ITPKB: variants seen among roughly 807,000 people sequenced by gnomAD.
The protein encoded by ITPKB is IP3 3-kinase B.
In ITPKB, 13 loss-of-function variants were observed where a neutral mutation model predicts 69.4. The observed-to-expected ratio is 0.19, with a 90% CI of 0.12 to 0.30. ITPKB has a LOEUF of 0.30. Among genes scored for constraint, ITPKB ranks in the 10% least tolerant of loss-of-function variants. The probability of loss-of-function intolerance (pLI) is 1.00; values close to 1 mark genes in which losing one functional copy is unlikely to be tolerated. For synonymous variants in ITPKB, 584 were observed against 513.7 expected (o/e 1.14, Z -1.85); for missense variants, 1,240 against 1,250.5 (o/e 0.99, Z 0.13).
At chr1:226,729,560 A>G (rs2102649213) in intron 2 of ITPKB, among the ~76,000 whole-genome samples, 1 of 150,430 alleles carries the variant, frequency 6.6e-6, no homozygotes, top group African/African-American at 2.4e-5. Context: ...TATGGAAGCT[A>G]TCGAAAAGTT....
chr1:226,712,076 G>A (rs1019564281), intron 2 of ITPKB, among the ~76,000 whole-genome samples: 8 of 152,194 alleles, frequency 5.3e-5, no homozygotes, highest in Admixed American at 2.0e-4. Flanking sequence ...AGTAAGCCGC[G>A]AGGGTGGAAA....
At chr1:226,694,747 C>T (rs1233795605) in intron 2 of ITPKB, among the ~76,000 whole-genome samples, 1 of 152,206 alleles carries the variant, frequency 6.6e-6, no homozygotes, top group Non-Finnish European at 1.5e-5. Flanking sequence ...GGAGCAGTAC[C>T]ACCCTTACAG....
chr1:226,639,802 T>C, intron 5 of ITPKB, 144 bp from the exon 6 acceptor site: 1 of 666,254 alleles, frequency 1.5e-6, no homozygotes, highest in Non-Finnish European at 2.7e-6. Context: ...TGTCCACGTA[T>C]GGCGCATGGA....
intron 2 of ITPKB, among the ~76,000 whole-genome samples, chr1:226,661,417 T>A (rs1669400365): frequency 6.6e-6 from 1 of 152,126 alleles, no homozygotes; most frequent in Non-Finnish European, 1.5e-5. Context: ...AGGCACAGAG[T>A]CATGAGACAA....
Position 226,637,690 on chromosome 1 carries a change from T to TG in ITPKB, c.2613dup (p.Lys872GlnfsTer35), listed in dbSNP as rs777632067. The TG allele has an allele frequency of 6.2e-7, 1 of 1,613,424 alleles. No individual in the cohort carries two copies. Among genetic ancestry groups the TG allele is most frequent in the Non-Finnish European group, 8.5e-7 (1 of 1,179,330 alleles). The stretch of plus-strand genomic sequence containing the variant: ...AGCCCAGTATCTACCTCGTGGCACT[T>TG]GAAGAAGGGAGAAACTTCTAGAGTG... On this transcript the variant is annotated frameshift_variant, in exon 7 of 8. Coordinates refer to ENST00000429204, the MANE Select transcript of ITPKB (RefSeq NM_002221.4). LOFTEE classifies it high-confidence loss of function. The surrounding 1 kb of genome is among the most constrained non-coding windows in gnomAD (Gnocchi z 4.3).
At chr1:226,639,876 C>T (rs981505324) in intron 5 of ITPKB, among the ~76,000 whole-genome samples, 4 of 152,188 alleles carry the variant, frequency 2.6e-5, no homozygotes, top group African/African-American at 4.8e-5. Flanking sequence ...CAGAGGGTGG[C>T]GCTGACATCC....
intron 2 of ITPKB, among the ~76,000 whole-genome samples, chr1:226,655,110 G>C (rs372126930): frequency 1.3e-5 from 2 of 152,058 alleles, no homozygotes; most frequent in East Asian, 3.9e-4. Context: ...GGAGGAAGAA[G>C]AGGGAGGAAG....
intron 2 of ITPKB, among the ~76,000 whole-genome samples, chr1:226,722,509 G>C (rs1197813082): frequency 6.6e-6 from 1 of 152,202 alleles, no homozygotes; most frequent in Non-Finnish European, 1.5e-5. Context: ...AATACCGCAA[G>C]GTAAACAGCA....
At chr1:226,699,955 A>C (rs1393018613) in intron 2 of ITPKB, among the ~76,000 whole-genome samples, 1 of 152,212 alleles carries the variant, frequency 6.6e-6, no homozygotes, top group Non-Finnish European at 1.5e-5. Flanking sequence ...TCAGAGTCTG[A>C]TGTTCAAGGG....
At chr1:226,732,633 C>T (rs2102651153) in intron 2 of ITPKB, among the ~76,000 whole-genome samples, 1 of 148,296 alleles carries the variant, frequency 6.7e-6, no homozygotes, top group South Asian at 2.1e-4. Context: ...ACTTTTATAT[C>T]TTAATACAAC....
At chr1:226,684,438 C>T (rs1656155549) in intron 2 of ITPKB, among the ~76,000 whole-genome samples, 1 of 152,232 alleles carries the variant, frequency 6.6e-6, no homozygotes, top group African/African-American at 2.4e-5. Context: ...ATTCACAGAG[C>T]AGCCATTCTT....
chr1:226,678,194 T>C (rs1384091899), intron 2 of ITPKB, among the ~76,000 whole-genome samples: 2 of 152,248 alleles, frequency 1.3e-5, no homozygotes, highest in Non-Finnish European at 2.9e-5. Flanking sequence ...ACTATTTTTC[T>C]AATGTTATTC....
At position 226,673,279 on chromosome 1, in the gene ITPKB, C is replaced by A. The variant is rs371597396; in HGVS notation, c.1933-24508G>T. 2.6e-5 allele frequency among the ~76,000 whole-genome samples: 4 copies of A among 152,164 alleles called. No individual in the cohort carries two copies. The East Asian group carries it at 7.7e-4, about 29-fold the overall frequency. Reference sequence around the variant, plus strand: ...GTCCCAGCTACTCGGGAGGCTGAGGCAGGAGGATTGCTTGAACACAGGGGT... The same window carrying A: ...GTCCCAGCTACTCGGGAGGCTGAGGAAGGAGGATTGCTTGAACACAGGGGT... On this transcript the variant is annotated intron_variant, in intron 2 of 7. Transcript: ENST00000429204.
At chr1:226,647,120 T>C in intron 4 of ITPKB, 47 bp downstream of exon 4, 1 of 1,555,588 alleles carries the variant, frequency 6.4e-7, no homozygotes. Flanking sequence ...ACCTGCCATG[T>C]GGCTTGCACT....
At chr1:226,729,858 G>C (rs1323541802) in intron 2 of ITPKB, among the ~76,000 whole-genome samples, 1 of 152,058 alleles carries the variant, frequency 6.6e-6, no homozygotes, top group Non-Finnish European at 1.5e-5. Flanking sequence ...GCCTCCCAAA[G>C]TGCTGGGATT....
intron 2 of ITPKB, among the ~76,000 whole-genome samples, chr1:226,703,178 G>T (rs1267887225): frequency 2.0e-5 from 3 of 152,158 alleles, no homozygotes; most frequent in Non-Finnish European, 2.9e-5. Context: ...AAAAAAAAGT[G>T]CAAGATATTA....
chr1:226,720,970 C>G (rs928378691), intron 2 of ITPKB, among the ~76,000 whole-genome samples: 1 of 145,498 alleles, frequency 6.9e-6, no homozygotes, highest in African/African-American at 2.6e-5. Context: ...TGAACCCGGG[C>G]AGCAGAGGTT....
chr1:226,688,655 A>C (rs551112808), intron 2 of ITPKB, among the ~76,000 whole-genome samples: 1 of 152,334 alleles, frequency 6.6e-6, no homozygotes, highest in African/African-American at 2.4e-5. Context: ...GTGCCAGAGC[A>C]GCCTGCCGGG....
chr1:226,686,649 C>T (rs1016636247), intron 2 of ITPKB, among the ~76,000 whole-genome samples: 1 of 152,222 alleles, frequency 6.6e-6, no homozygotes, highest in African/African-American at 2.4e-5. Context: ...GACCAGAGGA[C>T]TCTGTACCTA....
Sources: allele counts gnomAD v4.1 joint callset (sites outside exome capture counted in the v4.1 genomes callset), GRCh38; gene constraint gnomAD v4.1.1; non-coding constraint Gnocchi (gnomAD v3.1); transcripts MANE v1.5; gene names NCBI Gene and HGNC (gene_info 2026-07-23, HGNC 2026-07-21).